Variants in P2RY12 observed in about 807,000 individuals in gnomAD.
P2RY12 encodes P2Y purinoceptor 12.
Under a neutral mutation model 4.5 loss-of-function variants are expected in P2RY12, and 3 were observed. The ratio of observed to expected loss-of-function variants is 0.67; its 90% CI spans 0.31 to 1.74. The LOEUF (loss-of-function observed/expected upper bound fraction) is 1.74, where lower values mean the gene tolerates loss of function less well. Among genes scored for constraint, P2RY12 ranks in the 40% most tolerant of loss-of-function variants. The pLI is 0.09. For synonymous variants in P2RY12, 148 were observed against 154.1 expected (o/e 0.96, Z 0.29); for missense variants, 356 against 407.8 (o/e 0.87, Z 1.09).
chr3:151,372,383 G>A (rs147938853), intron 1 of P2RY12, among the ~76,000 whole-genome samples: 15 of 152,226 alleles, frequency 9.9e-5, no homozygotes, highest in Non-Finnish European at 1.2e-4. Context: ...ATTTCTGTTA[G>A]AAACTTCTCT....
intron 1 of P2RY12, chr3:151,368,078 C>A: frequency 1.7e-6 from 2 of 1,202,692 alleles, no homozygotes; most frequent in Non-Finnish European, 2.4e-6. Flanking sequence ...GGAAATTTAG[C>A]TTAATAGGAA....
At chr3:151,358,161 A>G (rs1754163814) in intron 1 of P2RY12, among the ~76,000 whole-genome samples, 1 of 152,132 alleles carries the variant, frequency 6.6e-6, no homozygotes, top group Non-Finnish European at 1.5e-5. Flanking sequence ...TCCTAGAATG[A>G]TATCAATTTA....
chr3:151,383,376 T>G (rs959412234), intron 1 of P2RY12, among the ~76,000 whole-genome samples: 1 of 152,218 alleles, frequency 6.6e-6, no homozygotes, highest in Non-Finnish European at 1.5e-5. Context: ...GGTATTATGA[T>G]AGCAGGCTTA....
In P2RY12 at chr3:151,337,962, G is replaced by A. The variant is rs564568226; in HGVS notation, c.884C>T (p.Pro295Leu). 14 of 1,614,056 alleles carry A rather than the reference G, an allele frequency of 8.7e-6. No individual in the cohort carries two copies. Among genetic ancestry groups the A allele is most frequent in the African/African-American group, 4.0e-5 (3 of 75,018 alleles). ...CTTGCAAAGGAAAAAATAGATGAAC[G>A]GATCCAGGCATGCATTTAAGGAAGT... ...WLTSLNACLD[P>L]FIYFFLCKSF... Residue 295 changes from proline to leucine, a missense_variant, in exon 3 of 3, where the codon CCG becomes CTG. Physicochemically the swap from Pro to Leu is moderately conservative, Grantham distance 98. Transcript: ENST00000302632.
chr3:151,383,654 A>T, intron 1 of P2RY12: 1 of 608,970 alleles, frequency 1.6e-6, no homozygotes, highest in South Asian at 2.3e-5. Context: ...AGATAAGGTA[A>T]TCTATAAACT....
At chr3:151,360,620 C>T in intron 1 of P2RY12, 1 of 1,603,070 alleles carries the variant, frequency 6.2e-7, no homozygotes, top group Non-Finnish European at 8.5e-7. Flanking sequence ...GTAGAAGAGA[C>T]TCAAAAGGAC....
intron 1 of P2RY12, among the ~76,000 whole-genome samples, chr3:151,358,285 T>G (rs1459373069): frequency 1.3e-5 from 2 of 152,140 alleles, no homozygotes; most frequent in Non-Finnish European, 2.9e-5. Flanking sequence ...ATTTACATAT[T>G]AGAATTCAGG....
At chr3:151,360,387 G>T in intron 1 of P2RY12, 6 of 1,209,914 alleles carry the variant, frequency 5.0e-6, no homozygotes, top group Admixed American at 2.2e-5. Flanking sequence ...TTACCCAAGT[G>T]ATACATATTT....
chr3:151,350,514 TAA>T (rs1753091527), intron 1 of P2RY12, among the ~76,000 whole-genome samples: 2 of 152,168 alleles, frequency 1.3e-5, no homozygotes, highest in African/African-American at 4.8e-5. Context: ...TCTATAGTAG[TAA>T]TAAATGAAGT....
intron 1 of P2RY12, among the ~76,000 whole-genome samples, chr3:151,347,674 G>A (rs79085819): frequency 0.023 from 3,550 of 152,224 alleles, 145 homozygotes; most frequent in African/African-American, 0.082. Flanking sequence ...AAGGCAGTTC[G>A]GTGTGGGTGT....
chr3:151,381,477 C>G (rs1712328978), intron 1 of P2RY12, among the ~76,000 whole-genome samples: 2 of 152,206 alleles, frequency 1.3e-5, no homozygotes, highest in South Asian at 4.1e-4. Context: ...ATGGTTGTTG[C>G]ACTGGCCATG....
In P2RY12 at chr3:151,338,041, C is replaced by A; in HGVS notation, c.805G>T (p.Asp269Tyr). 6.2e-7 allele frequency: 1 copy of A among 1,614,036 alleles called. No homozygotes were observed. The highest frequency in any genetic ancestry group is 1.3e-5 in the African/African-American group (1 of 75,034). ...AACAGAGTATTTTCAGCAGTGCAGT[C>A]AAAGACATCCCGGGTTTGGCTCAGG... is the stretch of plus-strand genomic sequence containing the variant. ...YTLSQTRDVFDCTAENTLFYV... is the reference protein window; with the variant it reads ...YTLSQTRDVFYCTAENTLFYV... Residue 269 changes from aspartate (D) to tyrosine (Y), a missense_variant, in exon 3 of 3, where the codon GAC (aspartate) becomes TAC (tyrosine). Physicochemically the swap from Asp to Tyr is radical, Grantham distance 160 (BLOSUM62 -3). Transcript: ENST00000302632.
chr3:151,347,522 G>A (rs1214386628), intron 1 of P2RY12, among the ~76,000 whole-genome samples: 5 of 152,168 alleles, frequency 3.3e-5, no homozygotes, highest in Non-Finnish European at 5.9e-5. Context: ...CAATAAACTG[G>A]AGTGACAGAG....
intron 1 of P2RY12, among the ~76,000 whole-genome samples, chr3:151,349,042 G>A (rs563346716): frequency 3.0e-4 from 45 of 152,328 alleles, no homozygotes; most frequent in African/African-American, 1.0e-3. Flanking sequence ...TATACATAGA[G>A]TAAGAAAAGG....
chr3:151,376,908 A>T, intron 1 of P2RY12: 1 of 1,612,402 alleles, frequency 6.2e-7, no homozygotes, highest in Non-Finnish European at 8.5e-7. Flanking sequence ...CTCTGTATGA[A>T]ATTTTATAAA....
chr3:151,349,590 T>A (rs1752973858), intron 1 of P2RY12, among the ~76,000 whole-genome samples: 1 of 146,404 alleles, frequency 6.8e-6, no homozygotes, highest in African/African-American at 2.7e-5. Flanking sequence ...TGTCCAGGAA[T>A]ATTTTTTATA....
chr3:151,382,621 T>C, intron 1 of P2RY12: 2 of 1,507,506 alleles, frequency 1.3e-6, no homozygotes, highest in Non-Finnish European at 1.8e-6. Context: ...AGAGAAAAAT[T>C]AAACTTTAAT....
chr3:151,365,439 C>T (rs963140199), intron 1 of P2RY12, among the ~76,000 whole-genome samples: 1 of 151,950 alleles, frequency 6.6e-6, no homozygotes, highest in Non-Finnish European at 1.5e-5. Context: ...ATATGGCCAA[C>T]AATTACATGA....
chr3:151,378,018 C>A (rs541572659), intron 1 of P2RY12: 11 of 1,597,294 alleles, frequency 6.9e-6, no homozygotes, highest in Admixed American at 6.8e-5. Flanking sequence ...TTAGTTCCTC[C>A]GAACGCAGGG....
Sources: gnomAD v4.1 joint callset for allele counts (sites outside exome capture counted in the v4.1 genomes callset) on GRCh38, gnomAD v4.1.1 for gene constraint, MANE v1.5 for transcripts, NCBI Gene and HGNC (gene_info 2026-07-23, HGNC 2026-07-21) for gene names.